PAQR5: variants seen among roughly 807,000 people sequenced by gnomAD.
PAQR5 encodes progestin and adipoQ receptor family member 5, also known as membrane progestin receptor gamma.
A neutral mutation model predicts 34.5 loss-of-function variants in PAQR5; 20 were observed. The observed-to-expected ratio is 0.58, with a 90% CI of 0.41 to 0.84. The LOEUF (loss-of-function observed/expected upper bound fraction) is 0.84. Ranked by LOEUF, PAQR5 falls within the 40% of genes least tolerant of loss-of-function variation. The pLI, the probability that PAQR5 is intolerant of heterozygous loss-of-function variation, is 0.00. For synonymous variants in PAQR5, 131 were observed against 155.6 expected (o/e 0.84, Z 1.18); for missense variants, 378 against 412.7 (o/e 0.92, Z 0.73).
At chr15:69,399,605 C>T (rs1431302417) in intron 7 of PAQR5, among the ~76,000 whole-genome samples, 1 of 152,108 alleles carries the variant, frequency 6.6e-6, no homozygotes, top group African/African-American at 2.4e-5. Context: ...GAAAGAATAC[C>T]AATTATCTAA....
intron 1 of PAQR5, among the ~76,000 whole-genome samples, chr15:69,330,830 G>A (rs962793446): frequency 3.3e-5 from 5 of 152,140 alleles, no homozygotes; most frequent in South Asian, 2.1e-4. Context: ...TTGATGAATC[G>A]GCTTTGTCTA....
intron 3 of PAQR5, among the ~76,000 whole-genome samples, chr15:69,371,648 C>T (rs1372016045): frequency 6.6e-6 from 1 of 152,138 alleles, no homozygotes; most frequent in Admixed American, 6.5e-5. Context: ...CTTCACAGTC[C>T]AGAGACATTT....
At chr15:69,362,134 A>G (rs911577065) in intron 3 of PAQR5, among the ~76,000 whole-genome samples, 1 of 152,158 alleles carries the variant, frequency 6.6e-6, no homozygotes, top group Non-Finnish European at 1.5e-5. Context: ...ATGTATGGAG[A>G]TTCTGAATGT....
chr15:69,389,918 C>T, intron 6 of PAQR5, 138 bp downstream of exon 6: 1 of 977,798 alleles, frequency 1.0e-6, no homozygotes, highest in Non-Finnish European at 1.5e-6. Context: ...TCCAGGTGGA[C>T]TTCCTATGCT....
intron 2 of PAQR5, among the ~76,000 whole-genome samples, chr15:69,355,031 C>T (rs2055019940): frequency 6.6e-6 from 1 of 152,142 alleles, no homozygotes; most frequent in Non-Finnish European, 1.5e-5. Flanking sequence ...TTCCCTCATT[C>T]TGAGGCTGTA....
intron 1 of PAQR5, chr15:69,314,742 G>T (rs1449113439): frequency 6.6e-6 from 1 of 152,388 alleles, no homozygotes; most frequent in African/African-American, 2.4e-5. Context: ...ACCCCGCATT[G>T]TCCCAAGGCC....
At chr15:69,327,866 C>A (rs1003762642) in intron 1 of PAQR5, among the ~76,000 whole-genome samples, 3 of 152,122 alleles carry the variant, frequency 2.0e-5, no homozygotes, top group Non-Finnish European at 4.4e-5. Context: ...AGGGCCCTCA[C>A]CTACCAGAGT....
intron 3 of PAQR5, among the ~76,000 whole-genome samples, chr15:69,362,967 C>G (rs1326518473): frequency 6.6e-6 from 1 of 152,212 alleles, no homozygotes; most frequent in Non-Finnish European, 1.5e-5. Flanking sequence ...TTGAAGAAGG[C>G]TTTCCTCTCC....
rs149539264 is a variant in PAQR5, at chr15:69,333,052, A to G, written c.-276-4289A>G. Among the ~76,000 whole-genome samples the G allele has an allele frequency of 9.4e-4, 143 of 152,212 alleles. 1 individual carries two copies. In the East Asian group the frequency reaches 0.015, roughly 16 times the overall value. ...CAATAGGTATATTTAAAAGGCCTTT[A>G]TGTTTTCCTCTTTTTGGGACTTGTT... On this transcript the variant is annotated intron_variant, in intron 1 of 8. Coordinates refer to ENST00000395407, the MANE Select transcript of PAQR5 (RefSeq NM_017705.4).
intron 1 of PAQR5, among the ~76,000 whole-genome samples, chr15:69,323,442 C>T (rs955214659): frequency 3.9e-5 from 6 of 152,190 alleles, no homozygotes; most frequent in African/African-American, 1.2e-4. Context: ...TCCCCAGCTC[C>T]CCTGAACGGC....
At chr15:69,396,541 CT>C (rs1400697725) in intron 6 of PAQR5, among the ~76,000 whole-genome samples, 1 of 152,204 alleles carries the variant, frequency 6.6e-6, no homozygotes, top group Non-Finnish European at 1.5e-5. Flanking sequence ...GGACACAGCC[CT>C]CCACAGTACA....
At chr15:69,323,338 G>T (rs1010265563) in intron 1 of PAQR5, among the ~76,000 whole-genome samples, 1 of 152,222 alleles carries the variant, frequency 6.6e-6, no homozygotes, top group Admixed American at 6.5e-5. Flanking sequence ...CTTCACCTAT[G>T]GTGGTGAGGG....
At chr15:69,344,695 T>C (rs1000238156) in intron 2 of PAQR5, among the ~76,000 whole-genome samples, 2 of 152,218 alleles carry the variant, frequency 1.3e-5, no homozygotes, top group Non-Finnish European at 2.9e-5. Context: ...CAAACAACTT[T>C]GTTGGCGGTA....
chr15:69,361,240 C>G (rs1032432091), intron 3 of PAQR5, among the ~76,000 whole-genome samples: 3 of 152,196 alleles, frequency 2.0e-5, no homozygotes, highest in Non-Finnish European at 2.9e-5. Context: ...CAGTGTGATT[C>G]TTGAATTTAT....
chr15:69,323,512 CCTT>C (rs1353041871), intron 1 of PAQR5, among the ~76,000 whole-genome samples: 1 of 152,202 alleles, frequency 6.6e-6, no homozygotes, highest in African/African-American at 2.4e-5. Context: ...TCACCTGTGA[CCTT>C]CTCAGGTGAA....
At chr15:69,359,545 G>A (rs2055177925) in intron 2 of PAQR5, among the ~76,000 whole-genome samples, 1 of 152,040 alleles carries the variant, frequency 6.6e-6, no homozygotes. Flanking sequence ...TAATTAGATG[G>A]GAACAAAACA....
At position 69,367,953 on chromosome 15, in the gene PAQR5, C is replaced by T. The variant is rs117552043; in HGVS notation, c.51+7822C>T. On this transcript the variant is annotated intron_variant, in intron 3 of 8. Transcript: ENST00000395407. Reference sequence around the variant, plus strand: ...CCCCTGGGGAGGAGTATAACTAGTGCCCGTTGGCCAAAAACAATTCCCATG... The same window carrying T: ...CCCCTGGGGAGGAGTATAACTAGTGTCCGTTGGCCAAAAACAATTCCCATG... Among the ~76,000 whole-genome samples, 42 of 152,236 alleles carry T rather than the reference C, an allele frequency of 2.8e-4. No homozygotes were observed. In the East Asian group the frequency reaches 7.3e-3, roughly 27 times the overall value.
intron 1 of PAQR5, among the ~76,000 whole-genome samples, chr15:69,309,457 G>C (rs563551315): frequency 5.9e-5 from 9 of 152,208 alleles, no homozygotes; most frequent in African/African-American, 2.2e-4. Flanking sequence ...GGTGGGAAGA[G>C]AGGCAGCTGG....
chr15:69,328,309 G>A (rs2054299872), intron 1 of PAQR5, among the ~76,000 whole-genome samples: 1 of 152,244 alleles, frequency 6.6e-6, no homozygotes, highest in Non-Finnish European at 1.5e-5. Context: ...AGGATAGAGA[G>A]GCTGAGAAGG....
Sources: gnomAD v4.1 joint callset for allele counts (sites outside exome capture counted in the v4.1 genomes callset) on GRCh38, gnomAD v4.1.1 for gene constraint, MANE v1.5 for transcripts, NCBI Gene and HGNC (gene_info 2026-07-23, HGNC 2026-07-21) for gene names.